Variants in MAPKAP1 observed in about 807,000 individuals in gnomAD.
MAPKAP1 encodes target of rapamycin complex 2 subunit MAPKAP1.
MAPKAP1 carries 20 observed loss-of-function variants against 65.7 expected under a neutral mutation model. The observed-to-expected ratio is 0.30, with a 90% CI of 0.21 to 0.44. The LOEUF is 0.44. Ranked by LOEUF, MAPKAP1 falls within the 20% of genes least tolerant of loss-of-function variation. The pLI is 1.00. For missense variants in MAPKAP1, 423 were observed against 648.0 expected (o/e 0.65, Z 3.77); for synonymous variants, 222 against 244.3 (o/e 0.91, Z 0.85).
At chr9:125,532,223 A>C (rs1829953544) in intron 7 of MAPKAP1, among the ~76,000 whole-genome samples, 1 of 152,220 alleles carries the variant, frequency 6.6e-6, no homozygotes, top group Admixed American at 6.5e-5. Flanking sequence ...CTATATATTT[A>C]TATATCTCCT....
rs182064638 is a variant in MAPKAP1 at position 125,598,479 on chromosome 9, C to T, written c.499-12752G>A. On this transcript the variant is annotated intron_variant, in intron 4 of 11. Transcript: ENST00000265960. ...TCCATTAAGCTTTTATTATTAAGAACGTCAACTGCCACTCTTTCTTTAACA... is the reference window on the plus strand; with the variant it reads ...TCCATTAAGCTTTTATTATTAAGAATGTCAACTGCCACTCTTTCTTTAACA... Among the ~76,000 whole-genome samples, 13 of 152,238 alleles carry T rather than the reference C, an allele frequency of 8.5e-5. No homozygotes were observed. In the East Asian group the frequency reaches 1.9e-3, roughly 23 times the overall value.
chr9:125,706,913 T>G (rs957898550), intron 1 of MAPKAP1, 58 bp downstream of exon 1: 12 of 387,774 alleles, frequency 3.1e-5, no homozygotes, highest in African/African-American at 1.2e-4. Flanking sequence ...GGCCGCCAGG[T>G]GGGCAAGCTG....
Position 125,506,332 on chromosome 9 carries a change from C to T in MAPKAP1, c.1044G>A (p.Glu348=), listed in dbSNP as rs779446701. The T allele has an allele frequency of 4.2e-5, 68 of 1,613,984 alleles. No homozygotes were observed. In the Admixed American group the frequency reaches 1.1e-3, roughly 27 times the overall value. ...DSTLESQSAW[E]FCLVRENSSR... Reference sequence around the variant, plus strand: ...TACTGTTCTCGCGGACCAGGCAGAACTCCCATGCGCTCTGGCTCTCCAAAG... The same window carrying T: ...TACTGTTCTCGCGGACCAGGCAGAATTCCCATGCGCTCTGGCTCTCCAAAG... Residue 348 remains glutamate (E), a synonymous_variant, in exon 8 of 12, where the codon GAG becomes GAA. Transcript: ENST00000265960.
At chr9:125,608,855 G>A (rs567346095) in intron 4 of MAPKAP1, among the ~76,000 whole-genome samples, 2 of 152,222 alleles carry the variant, frequency 1.3e-5, no homozygotes, top group South Asian at 4.1e-4. Context: ...GACAATATTA[G>A]TACCAAGAGA....
Position 125,480,289 on chromosome 9 carries a change from A to G in MAPKAP1, c.1207+4154T>C, listed in dbSNP as rs534612457. ...AAAATTCCTTACGACTAATTAATGA[A>G]ATTTCTGATTATAATGATAAAGACT... On this transcript the variant is annotated intron_variant, in intron 9 of 11. Coordinates refer to ENST00000265960, the MANE Select transcript of MAPKAP1 (RefSeq NM_001006617.3). Among the ~76,000 whole-genome samples, 6 of 152,274 alleles carry G rather than the reference A, an allele frequency of 3.9e-5. No homozygotes were observed. The East Asian group carries it at 1.2e-3, about 29-fold the overall frequency.
intron 5 of MAPKAP1, among the ~76,000 whole-genome samples, chr9:125,570,473 A>C (rs1473803762): frequency 1.3e-5 from 2 of 152,236 alleles, no homozygotes; most frequent in Non-Finnish European, 2.9e-5. Flanking sequence ...GTCAGACCTT[A>C]TCTGCACTTC....
At chr9:125,534,131 T>A (rs570378174) in intron 7 of MAPKAP1, among the ~76,000 whole-genome samples, 1 of 152,174 alleles carries the variant, frequency 6.6e-6, no homozygotes, top group Non-Finnish European at 1.5e-5. Context: ...ATTTGACAGG[T>A]ACCTTGACAG....
chr9:125,482,648 C>T (rs1162226247), intron 9 of MAPKAP1, among the ~76,000 whole-genome samples: 1 of 152,078 alleles, frequency 6.6e-6, no homozygotes, highest in Non-Finnish European at 1.5e-5. Flanking sequence ...AAATGATGTA[C>T]ATAATTTTGT....
chr9:125,457,343 T>A (rs1853220108), intron 10 of MAPKAP1, among the ~76,000 whole-genome samples: 1 of 152,192 alleles, frequency 6.6e-6, no homozygotes, highest in African/African-American at 2.4e-5. Context: ...GGAATTTTCA[T>A]TTGGTTCTTC....
At chr9:125,467,528 T>C (rs1402474467) in intron 10 of MAPKAP1, among the ~76,000 whole-genome samples, 1 of 152,152 alleles carries the variant, frequency 6.6e-6, no homozygotes, top group African/African-American at 2.4e-5. Context: ...ATGATGGATA[T>C]ATCTAAATCT....
intron 7 of MAPKAP1, among the ~76,000 whole-genome samples, chr9:125,527,312 C>T (rs916128679): frequency 8.6e-5 from 13 of 152,028 alleles, no homozygotes; most frequent in African/African-American, 2.7e-4. Flanking sequence ...CTGATCCACC[C>T]ACCTTGGCCT....
intron 4 of MAPKAP1, among the ~76,000 whole-genome samples, chr9:125,620,365 T>C (rs960022770): frequency 1.3e-5 from 2 of 152,220 alleles, no homozygotes; most frequent in South Asian, 2.1e-4. Flanking sequence ...TGACAACTTC[T>C]GTGGCAAGGC....
At chr9:125,458,790 C>A (rs184781051) in intron 10 of MAPKAP1, among the ~76,000 whole-genome samples, 1 of 145,992 alleles carries the variant, frequency 6.8e-6, no homozygotes. Context: ...CCAGAAGGGG[C>A]GGCCGGGCAG....
chr9:125,550,392 T>G (rs554996859), intron 6 of MAPKAP1, among the ~76,000 whole-genome samples: 1 of 152,194 alleles, frequency 6.6e-6, no homozygotes, highest in Non-Finnish European at 1.5e-5. Context: ...ACCAATCACA[T>G]GGGCTCAGAA....
chr9:125,464,204 T>TTAAAAAAAAA (rs1554805633), intron 10 of MAPKAP1, among the ~76,000 whole-genome samples: 2 of 83,330 alleles, frequency 2.4e-5, no homozygotes, highest in Non-Finnish European at 2.3e-5. Context: ...TCTCATATAT[T>TTAAAAAAAAA]AAAAAAAAAA....
intron 5 of MAPKAP1, among the ~76,000 whole-genome samples, chr9:125,578,018 A>G (rs932984983): frequency 9.2e-5 from 14 of 151,918 alleles, no homozygotes; most frequent in South Asian, 2.1e-4. Context: ...AAGATTGAGA[A>G]ATCGGATGGT....
chr9:125,666,990 A>G (rs1259804721), intron 3 of MAPKAP1, among the ~76,000 whole-genome samples: 2 of 152,220 alleles, frequency 1.3e-5, no homozygotes, highest in Non-Finnish European at 2.9e-5. Flanking sequence ...TACACATTGA[A>G]GAGCTTCTCC....
intron 1 of MAPKAP1, among the ~76,000 whole-genome samples, chr9:125,678,521 C>T (rs973069645): frequency 3.3e-5 from 5 of 152,178 alleles, no homozygotes; most frequent in African/African-American, 7.2e-5. Context: ...GGATTACAGG[C>T]GTGAGCCACC....
At chr9:125,486,062 T>C (rs1854491827) in intron 8 of MAPKAP1, among the ~76,000 whole-genome samples, 1 of 152,176 alleles carries the variant, frequency 6.6e-6, no homozygotes, top group African/African-American at 2.4e-5. Flanking sequence ...CTGCAAGCAG[T>C]AAAGGCAACT....
Sources: gnomAD v4.1 joint callset for allele counts (sites outside exome capture counted in the v4.1 genomes callset) on GRCh38, gnomAD v4.1.1 for gene constraint, MANE v1.5 for transcripts, NCBI Gene and HGNC (gene_info 2026-07-23, HGNC 2026-07-21) for gene names.